CAMK4: variants seen among roughly 807,000 people sequenced by gnomAD.
CAMK4 encodes calcium/calmodulin dependent protein kinase IV.
A neutral mutation model predicts 44.9 loss-of-function variants in CAMK4; 22 were observed. The ratio of observed to expected loss-of-function variants is 0.49; its 90% CI spans 0.35 to 0.70. The LOEUF (loss-of-function observed/expected upper bound fraction) is 0.70, where lower values mean the gene tolerates loss of function less well. Among genes scored for constraint, CAMK4 ranks in the 30% least tolerant of loss-of-function variants. CAMK4 has a pLI of 0.01. For synonymous variants in CAMK4, 218 were observed against 215.4 expected (o/e 1.01, Z -0.11); for missense variants, 498 against 586.8 (o/e 0.85, Z 1.56).
At chr5:111,384,951 G>T (rs1049621124) in intron 4 of CAMK4, among the ~76,000 whole-genome samples, 5 of 152,044 alleles carry the variant, frequency 3.3e-5, no homozygotes, top group Admixed American at 6.6e-5. Flanking sequence ...CACCCACTTT[G>T]TTCTCTTCCC....
intron 1 of CAMK4, among the ~76,000 whole-genome samples, chr5:111,320,774 G>A (rs1442737712): frequency 6.6e-6 from 1 of 152,164 alleles, no homozygotes; most frequent in African/African-American, 2.4e-5. Context: ...CCAAAGTGCT[G>A]GGATTACAGG....
chr5:111,467,638 A>T (rs1754889248), intron 7 of CAMK4, among the ~76,000 whole-genome samples: 1 of 152,192 alleles, frequency 6.6e-6, no homozygotes, highest in African/African-American at 2.4e-5. Flanking sequence ...ATTGCAAATC[A>T]ACACCGCAAT....
At chr5:111,312,718 C>G (rs1173945095) in intron 1 of CAMK4, among the ~76,000 whole-genome samples, 2 of 152,082 alleles carry the variant, frequency 1.3e-5, no homozygotes, top group Non-Finnish European at 2.9e-5. Flanking sequence ...ATCCAAGAAA[C>G]TCAGAAATGT....
At chr5:111,284,629 T>A (rs114960223) in intron 1 of CAMK4, among the ~76,000 whole-genome samples, 38 of 152,308 alleles carry the variant, frequency 2.5e-4, no homozygotes, top group African/African-American at 9.1e-4. Context: ...AGAACTTCCC[T>A]GGAGCACAGC....
In CAMK4 at chr5:111,273,758, TAC is replaced by T. The variant is rs370210104; in HGVS notation, c.161+49124_161+49125del. Reference sequence around the variant, plus strand: ...ACACACACACACGCTCACACACACATACACACACACATATATACACACACATA... The same window carrying T: ...ACACACACACACGCTCACACACACATACACACACATATATACACACACATA... On this transcript the variant is annotated intron_variant, in intron 1 of 10. Coordinates refer to ENST00000282356, the MANE Select transcript of CAMK4 (RefSeq NM_001744.6). 1.9e-4 allele frequency among the ~76,000 whole-genome samples: 23 copies of T among 121,382 alleles called. No individual in the cohort carries two copies. In the South Asian group the frequency reaches 5.1e-3, roughly 27 times the overall value. The allele number at this position is 121,382 out of a possible 152,430, so 79.6% of individuals were successfully genotyped here. A position where few individuals can be genotyped will look rare whatever the true frequency, so the allele number is the denominator to read the frequency against.
intron 4 of CAMK4, among the ~76,000 whole-genome samples, chr5:111,386,640 G>T (rs1472384747): frequency 6.6e-6 from 1 of 152,216 alleles, no homozygotes; most frequent in Non-Finnish European, 1.5e-5. Flanking sequence ...AGAGAAATAG[G>T]CATTGCCTGT....
chr5:111,396,432 T>C (rs1217930338), intron 5 of CAMK4, among the ~76,000 whole-genome samples: 1 of 151,970 alleles, frequency 6.6e-6, no homozygotes, highest in Non-Finnish European at 1.5e-5. Context: ...TATTTACCAA[T>C]TCTGGTTTCC....
rs1749509322 is a variant in CAMK4 at position 111,338,626 on chromosome 5, T to C, written c.162-5398T>C. On this transcript the variant is annotated intron_variant, in intron 1 of 10. Coordinates refer to ENST00000282356, the MANE Select transcript of CAMK4 (RefSeq NM_001744.6). ...CTTACATCTAAATCTTTAATGCATT[T>C]TGAGTTAACTTTTGTATATGGTGAA... Among the ~76,000 whole-genome samples the C allele has an allele frequency of 2.0e-5, 3 of 151,374 alleles. No individual in the cohort carries two copies. In the South Asian group the frequency reaches 6.2e-4, roughly 31 times the overall value.
rs183919745 is a variant in CAMK4 at position 111,491,334 on chromosome 5, T to C, written c.*6868T>C. On this transcript the variant is annotated 3_prime_UTR_variant, in exon 11 of 11. Transcript: ENST00000282356. ...TGGACTGCAAAGCCTAAAATGTGTA[T>C]CTGGACCCTTACAGTAAAACAATGA... is the stretch of plus-strand genomic sequence containing the variant. 1.4e-4 allele frequency: 22 copies of C among 152,256 alleles called. No individual in the cohort carries two copies. Among genetic ancestry groups the C allele is most frequent in the Admixed American group, 1.4e-3 (22 of 15,294 alleles). 9.4% of individuals were successfully genotyped at this position (152,256 alleles called of 1,614,324 possible). A position where few individuals can be genotyped will look rare whatever the true frequency, so the allele number is the denominator to read the frequency against.
chr5:111,335,570 T>A (rs910445644), intron 1 of CAMK4, among the ~76,000 whole-genome samples: 1 of 151,342 alleles, frequency 6.6e-6, no homozygotes, highest in Admixed American at 6.6e-5. Flanking sequence ...TCCATATGAA[T>A]TAGGCGTGAG....
chr5:111,476,028 G>C (rs992812258), intron 8 of CAMK4, among the ~76,000 whole-genome samples: 7 of 152,110 alleles, frequency 4.6e-5, no homozygotes, highest in Admixed American at 1.3e-4. Context: ...TACGTTATAA[G>C]CTTCAGTCAG....
chr5:111,267,209 C>T (rs928729104), intron 1 of CAMK4, among the ~76,000 whole-genome samples: 5 of 152,060 alleles, frequency 3.3e-5, no homozygotes, highest in African/African-American at 9.7e-5. Context: ...GCCATTTCTC[C>T]AAAAAGTCTT....
At chr5:111,351,580 A>ATT (rs879755536) in intron 2 of CAMK4, among the ~76,000 whole-genome samples, 12 of 143,044 alleles carry the variant, frequency 8.4e-5, no homozygotes, top group African/African-American at 2.3e-4. Context: ...TAATTTTTGT[A>ATT]TTTTTTTTTT....
At chr5:111,284,833 C>G (rs902477463) in intron 1 of CAMK4, among the ~76,000 whole-genome samples, 1 of 152,030 alleles carries the variant, frequency 6.6e-6, no homozygotes, top group Non-Finnish European at 1.5e-5. Flanking sequence ...TATTTCCCAT[C>G]TAACTTGATT....
intron 2 of CAMK4, among the ~76,000 whole-genome samples, chr5:111,347,833 G>T (rs1749931376): frequency 6.6e-6 from 1 of 152,028 alleles, no homozygotes; most frequent in Non-Finnish European, 1.5e-5. Flanking sequence ...TGTCTGTTTT[G>T]AGGGAGATTT....
At chr5:111,258,493 G>C (rs941932254) in intron 1 of CAMK4, among the ~76,000 whole-genome samples, 3 of 152,086 alleles carry the variant, frequency 2.0e-5, no homozygotes, top group Non-Finnish European at 4.4e-5. Context: ...CTTCTTACCT[G>C]GCAGTGGCAA....
chr5:111,321,936 A>C (rs1748680464), intron 1 of CAMK4, among the ~76,000 whole-genome samples: 1 of 152,116 alleles, frequency 6.6e-6, no homozygotes, highest in African/African-American at 2.4e-5. Context: ...GAATAAACAT[A>C]TTATTTTCCC....
chr5:111,300,994 G>A (rs1747695715), intron 1 of CAMK4, among the ~76,000 whole-genome samples: 1 of 151,976 alleles, frequency 6.6e-6, no homozygotes. Flanking sequence ...AAGAAAATTT[G>A]CAGTTTACAA....
chr5:111,265,883 A>G (rs1750218170), intron 1 of CAMK4: 1 of 152,232 alleles, frequency 6.6e-6, no homozygotes, highest in Non-Finnish European at 1.5e-5. Flanking sequence ...AGAAAGGGAA[A>G]GGGAAGGAAA....
Sources: allele counts gnomAD v4.1 joint callset (sites outside exome capture counted in the v4.1 genomes callset), GRCh38; gene constraint gnomAD v4.1.1; transcripts MANE v1.5; gene names NCBI Gene and HGNC (gene_info 2026-07-23, HGNC 2026-07-21).